The following HSPA12A variants were observed in gnomAD, a reference collection of about 807,000 sequenced individuals.
HSPA12A encodes heat shock 70 kDa protein 12A.
Under a neutral mutation model 69.2 loss-of-function variants are expected in HSPA12A, and 28 were observed. The observed-to-expected ratio is 0.40, with a 90% confidence interval of 0.30 to 0.55. HSPA12A has a LOEUF of 0.55. Ranked by LOEUF, HSPA12A falls within the 20% of genes least tolerant of loss-of-function variation. HSPA12A has a pLI of 0.38. For synonymous variants in HSPA12A, 345 were observed against 370.5 expected (o/e 0.93, Z 0.79); for missense variants, 686 against 900.7 (o/e 0.76, Z 3.05).
intron 2 of HSPA12A, among the ~76,000 whole-genome samples, chr10:116,767,139 C>T (rs572097260): frequency 6.6e-6 from 1 of 152,288 alleles, no homozygotes; most frequent in South Asian, 2.1e-4. Context: ...CCTGATGAGT[C>T]TGCTTCACAG....
intron 9 of HSPA12A, among the ~76,000 whole-genome samples, chr10:116,680,249 C>T (rs972385371): frequency 2.0e-5 from 3 of 152,082 alleles, no homozygotes; most frequent in Non-Finnish European, 2.9e-5. Flanking sequence ...CTTGGCCTCT[C>T]AAAGTTCTGG....
At chr10:116,711,219 T>C (rs1850415212) in intron 1 of HSPA12A, among the ~76,000 whole-genome samples, 1 of 152,118 alleles carries the variant, frequency 6.6e-6, no homozygotes, top group African/African-American at 2.4e-5. Flanking sequence ...TCTATAAAGC[T>C]AATACAACAA....
rs184070794 is a variant in HSPA12A at position 116,814,998 on chromosome 10, C to A, written c.91+19937G>T. 2.6e-5 allele frequency among the ~76,000 whole-genome samples: 4 copies of A among 152,240 alleles called. No individual in the cohort carries two copies. In the East Asian group the frequency reaches 7.7e-4, roughly 29 times the overall value. On this transcript the variant is annotated intron_variant, in intron 2 of 12. Coordinates refer to the HSPA12A transcript ENST00000635765. ...GATCTTTTCAGTAAACTGGGATAAA[C>A]CCTACACTCTTTTTACACCATCCCC...
chr10:116,717,885 C>T (rs1167787981), intron 1 of HSPA12A, among the ~76,000 whole-genome samples: 2 of 152,162 alleles, frequency 1.3e-5, no homozygotes, highest in Non-Finnish European at 2.9e-5. Context: ...TGATAGGAAA[C>T]GTGAGGGCCG....
chr10:116,826,863 C>G (rs1479745849), intron 2 of HSPA12A, among the ~76,000 whole-genome samples: 3 of 152,154 alleles, frequency 2.0e-5, no homozygotes, highest in African/African-American at 7.2e-5. Flanking sequence ...ATGTTAAACA[C>G]TTGACATGCA....
intron 2 of HSPA12A, among the ~76,000 whole-genome samples, chr10:116,705,841 A>T (rs544403759): frequency 5.3e-5 from 8 of 150,108 alleles, no homozygotes; most frequent in Non-Finnish European, 1.2e-4. Flanking sequence ...GCCTTGCCTC[A>T]TCTAGATCAC....
chr10:116,824,418 A>G (rs918505118), intron 2 of HSPA12A, among the ~76,000 whole-genome samples: 1 of 152,228 alleles, frequency 6.6e-6, no homozygotes, highest in African/African-American at 2.4e-5. Context: ...ACCCAAGAGA[A>G]GCGAAAAAAT....
intron 6 of HSPA12A, among the ~76,000 whole-genome samples, chr10:116,691,381 G>GT (rs1849734253): frequency 6.6e-6 from 1 of 152,166 alleles, no homozygotes; most frequent in African/African-American, 2.4e-5. Context: ...GACTCTGTGG[G>GT]TTTTTTGTAA....
intron 2 of HSPA12A, among the ~76,000 whole-genome samples, chr10:116,747,747 G>A (rs528369870): frequency 3.8e-4 from 58 of 152,044 alleles, no homozygotes; most frequent in African/African-American, 1.1e-3. Flanking sequence ...GCCTGTAATC[G>A]CAGCATTTGG....
At chr10:116,818,250 G>C (rs1008915913) in intron 2 of HSPA12A, among the ~76,000 whole-genome samples, 1 of 152,218 alleles carries the variant, frequency 6.6e-6, no homozygotes, top group African/African-American at 2.4e-5. Context: ...GGACCTACGA[G>C]CCTTGGTAGG....
At chr10:116,742,610 C>A, upstream of HSPA12A, 2 of 1,082,052 alleles carry the variant, frequency 1.8e-6, no homozygotes. Flanking sequence ...CGGCAGCCGC[C>A]GCAGCCACGG....
chr10:116,681,294 G>T, intron 8 of HSPA12A, 38 bp from the exon 9 acceptor site: 4 of 1,536,708 alleles, frequency 2.6e-6, no homozygotes, highest in Non-Finnish European at 3.6e-6. Context: ...CAGACTGTTT[G>T]CCAACCCCAT....
chr10:116,759,211 T>C (rs782312955), intron 2 of HSPA12A, among the ~76,000 whole-genome samples: 7 of 152,264 alleles, frequency 4.6e-5, no homozygotes, highest in Middle Eastern at 3.4e-3. Context: ...CTGCAAATAA[T>C]CAAAAGTCCT....
Position 116,687,044 on chromosome 10 carries a change from G to A in HSPA12A, c.664-3082C>T, listed in dbSNP as rs782191271. On this transcript the variant is annotated intron_variant, in intron 6 of 11. Transcript: ENST00000369209. ...AGCCCTGGGTAAAATTCTACAACTCGAGGGCATCCGAGTGTGCCTGGTGTG... is the reference window on the plus strand; with the variant it reads ...AGCCCTGGGTAAAATTCTACAACTCAAGGGCATCCGAGTGTGCCTGGTGTG... 3.3e-5 allele frequency among the ~76,000 whole-genome samples: 5 copies of A among 152,134 alleles called. No individual in the cohort carries two copies. The South Asian group carries it at 6.2e-4, about 19-fold the overall frequency.
intron 2 of HSPA12A, among the ~76,000 whole-genome samples, chr10:116,808,562 C>T (rs532984564): frequency 3.9e-5 from 6 of 152,234 alleles, no homozygotes; most frequent in Non-Finnish European, 7.4e-5. Flanking sequence ...TAGAGAACTG[C>T]GGGACCTCAA....
chr10:116,750,186 C>A, intron 2 of HSPA12A: 1 of 647,464 alleles, frequency 1.5e-6, no homozygotes, highest in Middle Eastern at 4.6e-4. Context: ...ACAAATTATG[C>A]TGCGGCACAT....
chr10:116,822,251 A>G (rs1198836588), intron 2 of HSPA12A, among the ~76,000 whole-genome samples: 1 of 152,220 alleles, frequency 6.6e-6, no homozygotes, highest in Non-Finnish European at 1.5e-5. Context: ...TTTGGGTTCT[A>G]GTCTTCCCTT....
chr10:116,726,716 CG>C (rs1203389895), intron 1 of HSPA12A, among the ~76,000 whole-genome samples: 1 of 152,196 alleles, frequency 6.6e-6, no homozygotes, highest in African/African-American at 2.4e-5. Context: ...CTCCGATGAA[CG>C]GCATGGCCCT....
At chr10:116,821,325 A>G (rs1033804970) in intron 2 of HSPA12A, among the ~76,000 whole-genome samples, 12 of 152,094 alleles carry the variant, frequency 7.9e-5, no homozygotes, top group African/African-American at 2.7e-4. Flanking sequence ...CTCCTACCTC[A>G]GGACCTTAGC....
Sources: gnomAD v4.1 joint callset for allele counts (sites outside exome capture counted in the v4.1 genomes callset) on GRCh38, gnomAD v4.1.1 for gene constraint, MANE v1.5 for transcripts, NCBI Gene and HGNC (gene_info 2026-07-23, HGNC 2026-07-21) for gene names.